The following CRTC3 variants were observed in gnomAD, a reference collection of about 807,000 sequenced individuals.
The protein encoded by CRTC3 is CREB-regulated transcription coactivator 3.
In CRTC3, 26 loss-of-function variants were observed where a neutral mutation model predicts 74.5. The observed-to-expected ratio is 0.35, with a 90% CI of 0.26 to 0.48. CRTC3 has a LOEUF of 0.48. CRTC3 is among the 20% of genes least tolerant of loss of function. The pLI is 0.99. For missense variants in CRTC3, 760 were observed against 787.3 expected (o/e 0.97, Z 0.41); for synonymous variants, 377 against 325.8 (o/e 1.16, Z -1.69).
intron 10 of CRTC3, among the ~76,000 whole-genome samples, chr15:90,626,341 A>C (rs1476836585): frequency 6.6e-6 from 1 of 152,234 alleles, no homozygotes; most frequent in Non-Finnish European, 1.5e-5. Context: ...TTTATAATTT[A>C]GGCCATCTCT....
At chr15:90,585,312 T>G (rs1967634192) in intron 2 of CRTC3, among the ~76,000 whole-genome samples, 1 of 152,088 alleles carries the variant, frequency 6.6e-6, no homozygotes, top group South Asian at 2.1e-4. Context: ...GGCTAGCTAG[T>G]TTTTAAATTC....
At chr15:90,606,677 A>G (rs1221358805) in intron 5 of CRTC3, 3 of 152,260 alleles carry the variant, frequency 2.0e-5, no homozygotes, top group Non-Finnish European at 4.4e-5. Flanking sequence ...TAAAGATACT[A>G]GTGAATTAAA....
At position 90,629,231 on chromosome 15, in the gene CRTC3, C is replaced by T. The variant is rs1444950516; in HGVS notation, c.968-3C>T. 5.0e-6 allele frequency: 8 copies of T among 1,606,306 alleles called. No homozygotes were observed. The highest frequency in any genetic ancestry group is 8.5e-7 in the Non-Finnish European group (1 of 1,174,228). On this transcript the variant is annotated splice_region_variant and splice_polypyrimidine_tract_variant and intron_variant, in intron 10 of 14. Transcript: ENST00000268184. ...AGTAACTTGTGAATTTGTTGTCTTCCAGGTCTCCAGAGTTCTCGGAGTAAC... is the reference window on the plus strand; with the variant it reads ...AGTAACTTGTGAATTTGTTGTCTTCTAGGTCTCCAGAGTTCTCGGAGTAAC...
At chr15:90,568,517 A>C (rs1967178087) in intron 2 of CRTC3, among the ~76,000 whole-genome samples, 1 of 152,004 alleles carries the variant, frequency 6.6e-6, no homozygotes, top group South Asian at 2.1e-4. Context: ...TGCCTGGCTA[A>C]TTTTTGTATT....
intron 3 of CRTC3, among the ~76,000 whole-genome samples, chr15:90,597,143 T>C (rs1967947542): frequency 6.6e-6 from 1 of 152,238 alleles, no homozygotes; most frequent in South Asian, 2.1e-4. Flanking sequence ...GGAGAGGCAC[T>C]GCCAGGGCTT....
At chr15:90,546,766 G>T (rs1966844915) in intron 2 of CRTC3, among the ~76,000 whole-genome samples, 1 of 152,148 alleles carries the variant, frequency 6.6e-6, no homozygotes, top group Admixed American at 6.5e-5. Context: ...GGGACTACAG[G>T]TGCCCGCCAC....
chr15:90,610,873 A>G (rs940089370), intron 6 of CRTC3, among the ~76,000 whole-genome samples: 3 of 152,144 alleles, frequency 2.0e-5, no homozygotes, highest in African/African-American at 4.8e-5. Flanking sequence ...AGAGTGCGTA[A>G]TAGGTGTCTT....
intron 2 of CRTC3, among the ~76,000 whole-genome samples, chr15:90,572,982 C>T (rs1476504249): frequency 1.3e-5 from 2 of 152,198 alleles, no homozygotes; most frequent in Non-Finnish European, 2.9e-5. Flanking sequence ...AGTATATTCA[C>T]ATTGTTGTGT....
chr15:90,615,087 TA>T (rs1329182077), intron 7 of CRTC3, among the ~76,000 whole-genome samples: 2,163 of 151,276 alleles, frequency 0.014, 32 homozygotes, highest in African/African-American at 0.037. Flanking sequence ...AATAAATAAA[TA>T]AATTAATTAA....
At chr15:90,579,834 G>T (rs1413946073) in intron 2 of CRTC3, among the ~76,000 whole-genome samples, 2 of 151,782 alleles carry the variant, frequency 1.3e-5, no homozygotes, top group African/African-American at 2.4e-5. Context: ...TAGAGACAGG[G>T]TTTTACCATG....
chr15:90,565,891 T>C (rs80124813), intron 2 of CRTC3, among the ~76,000 whole-genome samples: 24 of 152,182 alleles, frequency 1.6e-4, no homozygotes, highest in Non-Finnish European at 3.1e-4. Flanking sequence ...ATATTGAAAT[T>C]AGGCCTCTAA....
Position 90,530,213 on chromosome 15 carries a change from C to T in CRTC3, c.132+10C>T, listed in dbSNP as rs777148263. ...CCTCACCCTGTCGCGGGTGAGGGCC[C>T]GGGCCGGCGCGGGCGGGGGCGGCCA... On this transcript the variant is annotated intron_variant, in intron 1 of 14. Coordinates refer to ENST00000268184, the MANE Select transcript of CRTC3 (RefSeq NM_022769.5). The surrounding 1 kb of genome is among the most constrained non-coding windows in gnomAD (Gnocchi z 6.2). 20 of 1,144,706 alleles carry T rather than the reference C, an allele frequency of 1.7e-5. 1 individual carries two copies. The South Asian group carries it at 4.5e-4, about 26-fold the overall frequency. The allele number at this position is 1,144,706 out of a possible 1,614,324, so 70.9% of individuals were successfully genotyped here.
chr15:90,624,908 A>G (rs1298720923), intron 9 of CRTC3: 1 of 152,760 alleles, frequency 6.5e-6, no homozygotes. Flanking sequence ...ATAGGCTGGG[A>G]TAGCTATGTG....
rs117369338 is a variant in CRTC3 at position 90,622,575 on chromosome 15, G to A, written c.749+2785G>A. On this transcript the variant is annotated intron_variant, in intron 9 of 14. Transcript: ENST00000268184. ...CCATCTAAGACAAAATTCAGGCTGG[G>A]CGCAGTGGCTCATGCCTGTAATCGC... Among the ~76,000 whole-genome samples, 1,169 of 152,318 alleles carry A rather than the reference G, an allele frequency of 7.7e-3. 7 individuals carry two copies. Among genetic ancestry groups the A allele is most frequent in the Non-Finnish European group, 0.012 (804 of 68,038 alleles).
chr15:90,547,296 A>G (rs1363563558), intron 2 of CRTC3, among the ~76,000 whole-genome samples: 2 of 152,192 alleles, frequency 1.3e-5, no homozygotes, highest in Non-Finnish European at 2.9e-5. Flanking sequence ...AACTTTAGCA[A>G]TCATGATGTA....
Position 90,596,632 on chromosome 15 carries a change from G to T in CRTC3, c.351+2877G>T, listed in dbSNP as rs562413914. ...AGCCCAGTCTCTTTTGAGGAATCAA[G>T]GGTCCGTGAAATGGGATGATTTTAT... is the stretch of plus-strand genomic sequence containing the variant. On this transcript the variant is annotated intron_variant, in intron 3 of 14. Coordinates refer to ENST00000268184, the MANE Select transcript of CRTC3 (RefSeq NM_022769.5). Among the ~76,000 whole-genome samples, 3 of 152,264 alleles carry T rather than the reference G, an allele frequency of 2.0e-5. No individual in the cohort carries two copies. The South Asian group carries it at 6.2e-4, about 32-fold the overall frequency.
chr15:90,540,196 T>G, intron 2 of CRTC3, 59 bp downstream of exon 2: 2 of 1,171,464 alleles, frequency 1.7e-6, no homozygotes, highest in East Asian at 4.7e-5. Flanking sequence ...AGACAAAGAT[T>G]ATCACTAAAA....
At chr15:90,609,123 A>T (rs941104502) in intron 6 of CRTC3, among the ~76,000 whole-genome samples, 2 of 152,200 alleles carry the variant, frequency 1.3e-5, no homozygotes, top group Non-Finnish European at 2.9e-5. Context: ...CTGAATAATA[A>T]TTGTTGCTAT....
chr15:90,599,129 T>A (rs992020117), intron 3 of CRTC3: 8 of 149,982 alleles, frequency 5.3e-5, no homozygotes, highest in Non-Finnish European at 1.2e-4. Context: ...GTGTGGGGAT[T>A]TTTTTTTTTA....
Sources: gnomAD v4.1 joint callset for allele counts (sites outside exome capture counted in the v4.1 genomes callset) on GRCh38, gnomAD v4.1.1 for gene constraint, Gnocchi (gnomAD v3.1) non-coding constraint, MANE v1.5 for transcripts, NCBI Gene and HGNC (gene_info 2026-07-23, HGNC 2026-07-21) for gene names.